Variants in HIRA observed in about 807,000 individuals in gnomAD.
HIRA encodes the protein protein HIRA.
Under a neutral mutation model 126.6 loss-of-function variants are expected in HIRA, and 13 were observed. The observed-to-expected ratio is 0.10, with a 90% CI of 0.07 to 0.16. The LOEUF (loss-of-function observed/expected upper bound fraction) is 0.16. Ranked by LOEUF, HIRA falls within the 10% of genes least tolerant of loss-of-function variation. The pLI is 1.00. For synonymous variants in HIRA, 511 were observed against 520.0 expected, an observed-to-expected ratio of 0.98 and a Z score of 0.24; for missense variants, 834 against 1,314.4, an observed-to-expected ratio of 0.63 and a Z score of 5.65.
At position 19,334,958 on chromosome 22, in the gene HIRA, C is replaced by T. The variant is rs149165520; in HGVS notation, c.2938-3402G>A. On this transcript the variant is annotated intron_variant, in intron 24 of 24. Coordinates refer to ENST00000263208, the MANE Select transcript of HIRA (RefSeq NM_003325.4). ...TATCTATTTGTTAGTTTTTTAGCTA[C>T]GATTCTTTTTACTGCTTTGGGATTT... Among the ~76,000 whole-genome samples the T allele has an allele frequency of 1.5e-3, 229 of 151,758 alleles. 2 individuals are homozygous for T. Among genetic ancestry groups the T allele is most frequent in the African/African-American group, 5.3e-3 (221 of 41,380 alleles).
chr22:19,367,003 A>C (rs2088919922), intron 15 of HIRA, among the ~76,000 whole-genome samples: 2 of 152,068 alleles, frequency 1.3e-5, no homozygotes, highest in South Asian at 4.2e-4. Context: ...CCTCAGATGA[A>C]CCACCCACCT....
chr22:19,395,054 G>A (rs945487208), intron 7 of HIRA, among the ~76,000 whole-genome samples: 1 of 152,176 alleles, frequency 6.6e-6, no homozygotes. Context: ...AGGGAGAAGA[G>A]GTTTGTAACA....
chr22:19,399,169 C>T, intron 5 of HIRA: 1 of 985,308 alleles, frequency 1.0e-6, no homozygotes, highest in South Asian at 4.7e-5. Flanking sequence ...AGTTATTTCT[C>T]TAACCTCAGC....
At chr22:19,420,693 C>T (rs116020191) in intron 1 of HIRA, among the ~76,000 whole-genome samples, 5 of 150,334 alleles carry the variant, frequency 3.3e-5, no homozygotes, top group Non-Finnish European at 7.4e-5. Flanking sequence ...CCATTCTGAG[C>T]GACAAAGTAA....
chr22:19,424,654 T>C (rs1386153797), intron 1 of HIRA, among the ~76,000 whole-genome samples: 1 of 151,528 alleles, frequency 6.6e-6, no homozygotes, highest in Non-Finnish European at 1.5e-5. Flanking sequence ...CTTAGCAAAT[T>C]AGAAAGAGTA....
intron 23 of HIRA, among the ~76,000 whole-genome samples, chr22:19,352,808 A>G (rs2088772019): frequency 6.6e-6 from 1 of 152,174 alleles, no homozygotes. Context: ...AAGTGGGAGG[A>G]AAAGTTGGTA....
chr22:19,353,408 G>A lies in HIRA; in HGVS notation c.2796C>T (p.Ser932=), dbSNP rs782104454. The change falls in exon 23 of 25, where the codon AGC becomes AGT. Residue 932 remains serine (S), a synonymous_variant. Transcript: ENST00000263208. ...QVAAALTLQS[S]HEYRHWLLVY... ...CGAGGAGCCAATGGCGGTACTCGTG[G>A]CTGGACTGCAGGGTGAGTGCTGCTG... 6.2e-7 allele frequency: 1 copy of A among 1,613,154 alleles called. No individual in the cohort carries two copies. The highest frequency in any genetic ancestry group is 1.7e-5 in the Admixed American group (1 of 60,012).
At chr22:19,422,214 A>G (rs2089454023) in intron 1 of HIRA, among the ~76,000 whole-genome samples, 1 of 150,426 alleles carries the variant, frequency 6.6e-6, no homozygotes, top group Non-Finnish European at 1.5e-5. Context: ...ATATATATAC[A>G]TATATATATT....
At chr22:19,404,504 A>G (rs2089293449) in intron 5 of HIRA, among the ~76,000 whole-genome samples, 2 of 152,112 alleles carry the variant, frequency 1.3e-5, no homozygotes, top group South Asian at 4.1e-4. Context: ...ATAACACAAC[A>G]CTAACCGTTT....
At position 19,385,320 on chromosome 22, in the gene HIRA, G is replaced by A. The variant is rs191337315; in HGVS notation, c.1329+201C>T. 2.4e-4 allele frequency among the ~76,000 whole-genome samples: 37 copies of A among 152,334 alleles called. 2 individuals carry two copies. In the East Asian group the frequency reaches 7.0e-3, roughly 29 times the overall value. ...CCTCCTCTGGGCTCCTGGGGATAAGGAGGCCTTTGATAAAGAGGATCCAGG... is the reference window on the plus strand; with the variant it reads ...CCTCCTCTGGGCTCCTGGGGATAAGAAGGCCTTTGATAAAGAGGATCCAGG... On this transcript the variant is annotated intron_variant, in intron 12 of 24. Transcript: ENST00000263208.
rs114909614 is a variant in HIRA, at chr22:19,359,374, C to T, written c.2196G>A (p.Thr732=). 24 of 1,608,384 alleles carry T rather than the reference C, an allele frequency of 1.5e-5. 1 individual carries two copies. The East Asian group carries it at 2.7e-4, about 18-fold the overall frequency. ...KCNREGKEWE[T]VLTSRILTAA... ...CAGTGAGGATCCGGCTGGTGAGTAC[C>T]GTCTCCCACTCCTTCCCTTCCCGGT... The change falls in exon 18 of 25, where the codon ACG becomes ACA. Residue 732 remains threonine, a synonymous_variant. Coordinates refer to ENST00000263208, the MANE Select transcript of HIRA (RefSeq NM_003325.4).
At chr22:19,340,286 T>G (rs1401068428) in intron 24 of HIRA, among the ~76,000 whole-genome samples, 1 of 151,938 alleles carries the variant, frequency 6.6e-6, no homozygotes, top group Non-Finnish European at 1.5e-5. Context: ...ATCATCTCAA[T>G]AGATGCCGAA....
chr22:19,411,015 T>C (rs1031698517), intron 1 of HIRA, among the ~76,000 whole-genome samples: 1 of 152,214 alleles, frequency 6.6e-6, no homozygotes, highest in Non-Finnish European at 1.5e-5. Flanking sequence ...CTATGAGCTG[T>C]TCATGATTGA....
rs782188762 is a variant in HIRA, at chr22:19,351,467, A to G, written c.2849-21T>C. The G allele has an allele frequency of 6.4e-7, 1 of 1,553,936 alleles. No individual in the cohort carries two copies. The highest frequency in any genetic ancestry group is 1.1e-5 in the South Asian group (1 of 87,618). ...AAACCCTAATTACAGAAAAACAAAC[A>G]AACAACAACAACAAAAAACAAAACA... On this transcript the variant is annotated intron_variant, in intron 23 of 24. Transcript: ENST00000263208. This position sits in a 1 kb window ranked among gnomAD's most constrained non-coding sequence, Gnocchi z 4.8.
At chr22:19,408,770 C>T (rs576122734) in intron 2 of HIRA, among the ~76,000 whole-genome samples, 177 bp from the exon 3 acceptor site, 4 of 152,144 alleles carry the variant, frequency 2.6e-5, no homozygotes, top group Non-Finnish European at 5.9e-5. Flanking sequence ...ATGATAAGTA[C>T]TCATGGGGAC....
chr22:19,392,025 G>T, intron 9 of HIRA, 76 bp downstream of exon 9: 3 of 795,006 alleles, frequency 3.8e-6, no homozygotes, highest in South Asian at 1.7e-5. Flanking sequence ...CCCAAAGCAG[G>T]TCTCTTTCCT....
chr22:19,359,424 C>T lies in HIRA; in HGVS notation c.2146G>A (p.Val716Met), dbSNP rs139903076. 186 of 1,609,834 alleles carry T rather than the reference C, an allele frequency of 1.2e-4. No individual in the cohort carries two copies. Among genetic ancestry groups the T allele is most frequent in the East Asian group, 1.6e-4 (7 of 44,596 alleles). ...VENEVTVVGG[V>M]KLSRLKCNRE... ...TTGCACTTCAGGCGGCTCAGCTTCA[C>T]GCCCCCCACCACTGTCACTTCATTC... is the stretch of plus-strand genomic sequence containing the variant. The change falls in exon 18 of 25, where the codon GTG (valine) becomes ATG (methionine). Residue 716 changes from valine to methionine, a missense_variant. Val to Met is a conservative substitution (Grantham distance 21). This residue lies in a region of HIRA where 468 missense variants were observed against 574.2 expected (regional missense o/e 0.82). Coordinates refer to ENST00000263208, the MANE Select transcript of HIRA (RefSeq NM_003325.4).
At chr22:19,355,910 A>T (rs1556012420) in intron 20 of HIRA, 45 bp from the exon 21 acceptor site, 2 of 1,344,506 alleles carry the variant, frequency 1.5e-6, no homozygotes, top group Admixed American at 3.6e-5. Flanking sequence ...TCTGATCAGC[A>T]AGTGTTTTCA....
chr22:19,376,891 C>T (rs542363687), intron 14 of HIRA, among the ~76,000 whole-genome samples: 1 of 152,338 alleles, frequency 6.6e-6, no homozygotes, highest in South Asian at 2.1e-4. Flanking sequence ...CTGTATGTGC[C>T]AGGGAGTGGC....
Sources: allele counts gnomAD v4.1 joint callset (sites outside exome capture counted in the v4.1 genomes callset), GRCh38; gene constraint gnomAD v4.1.1; regional missense constraint gnomAD v4.1.1; non-coding constraint Gnocchi (gnomAD v3.1); transcripts MANE v1.5; gene names NCBI Gene and HGNC (gene_info 2026-07-23, HGNC 2026-07-21).